Variants in FRMD6 observed in about 807,000 individuals in gnomAD.
The protein encoded by FRMD6 is FERM domain-containing protein 6.
FRMD6 carries 37 observed loss-of-function variants against 73.2 expected under a neutral mutation model. The observed-to-expected ratio is 0.51, with a 90% CI of 0.39 to 0.66. The LOEUF is 0.66. FRMD6 is among the 30% of genes least tolerant of loss of function. The pLI, the probability that FRMD6 is intolerant of heterozygous loss-of-function variation, is 0.00. For synonymous variants in FRMD6, 273 were observed against 282.2 expected (o/e 0.97, Z 0.33); for missense variants, 714 against 780.5 (o/e 0.91, Z 1.02).
intron 2 of FRMD6, among the ~76,000 whole-genome samples, chr14:51,590,039 G>T (rs1019762752): frequency 7.2e-6 from 1 of 138,468 alleles, no homozygotes; most frequent in East Asian, 2.1e-4. Context: ...CCGCACTCCA[G>T]CCTGGGCAAC....
chr14:51,703,733 A>G (rs1896468726), intron 5 of FRMD6, among the ~76,000 whole-genome samples: 1 of 152,048 alleles, frequency 6.6e-6, no homozygotes, highest in Admixed American at 6.6e-5. Flanking sequence ...AGGGGGGAAA[A>G]TTTACATAAA....
the FRMD6 span, among the ~76,000 whole-genome samples, chr14:51,482,476 C>T: frequency 6.6e-6 from 1 of 152,186 alleles, no homozygotes; most frequent in African/African-American, 2.4e-5. Flanking sequence ...TTTCTATAAC[C>T]TGTCTTTACC....
chr14:51,586,359 TTTG>T (rs1251350577), intron 2 of FRMD6, among the ~76,000 whole-genome samples: 1 of 152,146 alleles, frequency 6.6e-6, no homozygotes, highest in African/African-American at 2.4e-5. Context: ...TTTTCATATG[TTTG>T]TTGGCCACAT....
chr14:51,502,397 A>G (rs1045025359), intron 1 of FRMD6, among the ~76,000 whole-genome samples: 2 of 152,202 alleles, frequency 1.3e-5, no homozygotes, highest in South Asian at 2.1e-4. Context: ...GAAGGAGTCC[A>G]GTTTCAATTT....
intron 1 of FRMD6, among the ~76,000 whole-genome samples, chr14:51,564,748 G>A (rs1887684465): frequency 2.0e-5 from 3 of 152,170 alleles, no homozygotes; most frequent in Admixed American, 2.0e-4. Context: ...ACAGTTAAAG[G>A]GTGACTTCAC....
the FRMD6 span, chr14:51,436,050 C>CA: frequency 5.5e-6 from 1 of 180,312 alleles, no homozygotes; most frequent in Middle Eastern, 2.4e-3. Context: ...GGCCCCCAAA[C>CA]ACCTGTCTCC....
At chr14:51,709,770 A>G (rs1471694344) in intron 7 of FRMD6, among the ~76,000 whole-genome samples, 1 of 152,168 alleles carries the variant, frequency 6.6e-6, no homozygotes, top group African/African-American at 2.4e-5. Context: ...TTATATTTTA[A>G]AATGTATTAG....
intron 1 of FRMD6, among the ~76,000 whole-genome samples, chr14:51,657,900 T>A (rs1892949190): frequency 6.6e-6 from 1 of 152,154 alleles, no homozygotes; most frequent in African/African-American, 2.4e-5. Flanking sequence ...GCCCCATCAT[T>A]TTTCAGAGAT....
At chr14:51,422,831 G>T in the FRMD6 span, among the ~76,000 whole-genome samples, 1 of 152,170 alleles carries the variant, frequency 6.6e-6, no homozygotes, top group African/African-American at 2.4e-5. Flanking sequence ...AGTTGTTAGT[G>T]CTGTTCACAA....
chr14:51,532,368 CAA>C (rs35803305), intron 1 of FRMD6, among the ~76,000 whole-genome samples: 18,789 of 116,876 alleles, frequency 0.16, 1,381 homozygotes, highest in African/African-American at 0.27. Context: ...GACTCCATCT[CAA>C]AAAAAAAAAA....
the FRMD6 span, among the ~76,000 whole-genome samples, chr14:51,414,098 T>G: frequency 1.3e-5 from 2 of 152,228 alleles, no homozygotes; most frequent in African/African-American, 4.8e-5. Flanking sequence ...TCCCATTCTG[T>G]AGGTTGCCTG....
chr14:51,609,799 G>A (rs930692308), intron 2 of FRMD6, among the ~76,000 whole-genome samples: 1 of 152,132 alleles, frequency 6.6e-6, no homozygotes. Flanking sequence ...TTTTGTGTTT[G>A]TGGTTCTTAA....
chr14:51,649,785 G>T (rs1892252175), upstream of FRMD6: 1 of 151,634 alleles, frequency 6.6e-6, no homozygotes, highest in Non-Finnish European at 1.5e-5. Flanking sequence ...TTCAGACAGG[G>T]TCTCACTCTG....
chr14:51,446,273 C>T, the FRMD6 span, among the ~76,000 whole-genome samples: 1 of 152,174 alleles, frequency 6.6e-6, no homozygotes, highest in African/African-American at 2.4e-5. Context: ...ATGGTTTTCC[C>T]TGTGTTCTGG....
At chr14:51,636,971 C>G (rs1355546944) in intron 2 of FRMD6, among the ~76,000 whole-genome samples, 1 of 152,114 alleles carries the variant, frequency 6.6e-6, no homozygotes. Flanking sequence ...TGCCTGTAAT[C>G]CCAGCACTTT....
intron 1 of FRMD6, among the ~76,000 whole-genome samples, chr14:51,498,771 C>A (rs779641398): frequency 6.6e-6 from 1 of 152,144 alleles, no homozygotes; most frequent in Non-Finnish European, 1.5e-5. Flanking sequence ...AACCCGGCAT[C>A]GCATGGGAGG....
intron 2 of FRMD6, among the ~76,000 whole-genome samples, chr14:51,694,691 A>G (rs1264450229): frequency 1.3e-5 from 2 of 152,204 alleles, no homozygotes; most frequent in African/African-American, 4.8e-5. Flanking sequence ...CCTTGTCTCA[A>G]GGGAAAAAAA....
the FRMD6 span, among the ~76,000 whole-genome samples, chr14:51,457,701 A>G: frequency 6.6e-6 from 1 of 152,216 alleles, no homozygotes; most frequent in Non-Finnish European, 1.5e-5. Flanking sequence ...AATTGGGTGA[A>G]GGGTCTAATC....
chr14:51,593,561 T>C (rs978470272), intron 2 of FRMD6, among the ~76,000 whole-genome samples: 1 of 152,216 alleles, frequency 6.6e-6, no homozygotes, highest in African/African-American at 2.4e-5. Context: ...CCTGTGCCTC[T>C]GAATGGTCTT....
Sources: gnomAD v4.1 joint callset for allele counts (sites outside exome capture counted in the v4.1 genomes callset) on GRCh38, gnomAD v4.1.1 for gene constraint, MANE v1.5 for transcripts, NCBI Gene and HGNC (gene_info 2026-07-23, HGNC 2026-07-21) for gene names.